AMER2: variants seen among roughly 807,000 people sequenced by gnomAD.
AMER2 encodes family with sequence similarity 123A.
AMER2 carries 1 observed loss-of-function variant against 4.7 expected under a neutral mutation model. The observed-to-expected ratio is 0.21, with a 90% confidence interval of 0.07 to 1.00. AMER2 has a LOEUF of 1.00. AMER2 is among the 50% of genes least tolerant of loss of function. AMER2 has a pLI of 0.60. For missense variants in AMER2, 988 were observed against 966.9 expected (o/e 1.02, Z -0.29); for synonymous variants, 485 against 433.3 (o/e 1.12, Z -1.48).
chr13:25,171,560 G>T lies in AMER2; in HGVS notation c.60C>A (p.Gly20=), dbSNP rs778453019. 3.8e-6 allele frequency: 6 copies of T among 1,559,086 alleles called. No homozygotes were observed. The highest frequency in any genetic ancestry group is 1.2e-5 in the South Asian group (1 of 85,282). The change falls in exon 1 of 1, where the codon GGC becomes GGA. Residue 20 remains glycine (G), a synonymous_variant. Transcript: ENST00000515384. The surrounding 1 kb of genome is among the most constrained non-coding windows in gnomAD (Gnocchi z 5.9). ...GGAVSERGGA[G]ASVGVCRRKA... ...TCCTCCTGCAGACCCCCACGGACGC[G>T]CCAGCTCCGCCGCGCTCGCTGACAG...
At position 25,170,822 on chromosome 13, in the gene AMER2, T is replaced by A; in HGVS notation, c.798A>T (p.Gly266=). The A allele has an allele frequency of 7.1e-7, 1 of 1,410,090 alleles. No homozygotes were observed. Among genetic ancestry groups the A allele is most frequent in the Non-Finnish European group, 9.2e-7 (1 of 1,091,392 alleles). 87.3% of individuals were successfully genotyped at this position (1,410,090 alleles called of 1,614,324 possible). The part of the protein sequence containing the change: ...PRDPAGEPAG[G]EEVPAPADRA... ...GGTCGGCGGGGGCGGGCACCTCCTC[T>A]CCCCCTGCGGGCTCACCTGCTGGGT... is the stretch of plus-strand genomic sequence containing the variant. The change falls in exon 1 of 1, where the codon GGA becomes GGT. Residue 266 remains glycine, a synonymous_variant. Coordinates refer to ENST00000515384, the MANE Select transcript of AMER2 (RefSeq NM_152704.4). This position sits in a 1 kb window ranked among gnomAD's most constrained non-coding sequence, Gnocchi z 7.3.
At position 25,171,518 on chromosome 13, in the gene AMER2, G is replaced by C. The variant is rs772527302; in HGVS notation, c.102C>G (p.Ala34=). The C allele has an allele frequency of 1.3e-5, 20 of 1,597,494 alleles. No individual in the cohort carries two copies. The Middle Eastern group carries it at 5.0e-4, about 40-fold the overall frequency. ...TGTCTGCCGCGAGGGTCCCGGTCCC[G>C]GCCCCGGCCTCCGCCTTCCTCCTGC... ...GVCRRKAEAG[A]GTGTLAADMD... Residue 34 remains alanine (A), a synonymous_variant, in exon 1 of 1, where the codon GCC becomes GCG. Transcript: ENST00000515384. The surrounding 1 kb of genome is among the most constrained non-coding windows in gnomAD (Gnocchi z 5.9).
rs2282406 is a variant in AMER2 at position 25,169,643 on chromosome 13, G to C, written c.1977C>G (p.Ile659Met). ...VSNRGLAGTT[I>M]RATACHDSAK... ...CACTGTCGTGGCAGGCCGTTGCTCT[G>C]ATGGTGGTCCCAGCCAAGCCCCGGT... Residue 659 changes from isoleucine (I) to methionine (M), a missense_variant, in exon 1 of 1, where the codon ATC becomes ATG. By Grantham distance (10) the Ile-to-Met change is conservative. Transcript: ENST00000515384. This position sits in a 1 kb window ranked among gnomAD's most constrained non-coding sequence, Gnocchi z 4.2. The C allele has an allele frequency of 0.012, 19,030 of 1,609,556 alleles. 939 individuals are homozygous for C. The highest frequency in any genetic ancestry group is 0.11 in the Admixed American group (6,848 of 59,692).
chr13:25,167,036 G>A lies in AMER2; in HGVS notation c.*2568C>T, dbSNP rs938172962. On this transcript the variant is annotated 3_prime_UTR_variant, in exon 1 of 1. Coordinates refer to ENST00000515384, the MANE Select transcript of AMER2 (RefSeq NM_152704.4). The stretch of plus-strand genomic sequence containing the variant: ...ATCTTTTATAACTGGTTAATTGACA[G>A]GTCAGTGGAAATTAAGATAAACTTT... 6.6e-6 allele frequency: 1 copy of A among 152,058 alleles called. No homozygotes were observed. Among genetic ancestry groups the A allele is most frequent in the African/African-American group, 2.4e-5 (1 of 41,404 alleles). The allele number at this position is 152,058 out of a possible 1,614,324, so 9.4% of individuals were successfully genotyped here. A position where few individuals can be genotyped will look rare whatever the true frequency, so the allele number is the denominator to read the frequency against.
chr13:25,169,136 A>C lies in AMER2; in HGVS notation c.*468T>G, dbSNP rs1365533013. The C allele has an allele frequency of 6.5e-6, 1 of 153,078 alleles. No individual in the cohort carries two copies. Among genetic ancestry groups the C allele is most frequent in the East Asian group, 1.9e-4 (1 of 5,196 alleles). 9.5% of individuals were successfully genotyped at this position (153,078 alleles called of 1,614,324 possible). A position where few individuals can be genotyped will look rare whatever the true frequency, so the allele number is the denominator to read the frequency against. On this transcript the variant is annotated 3_prime_UTR_variant, in exon 1 of 1. Coordinates refer to ENST00000515384, the MANE Select transcript of AMER2 (RefSeq NM_152704.4). The surrounding 1 kb of genome is among the most constrained non-coding windows in gnomAD (Gnocchi z 4.2). Reference sequence around the variant, plus strand: ...TTTTTTAACTGGAAAGGAAAGAGGAAAGAAGGGAAGGAAGGAAACGTGTCT... The same window carrying C: ...TTTTTTAACTGGAAAGGAAAGAGGACAGAAGGGAAGGAAGGAAACGTGTCT...
rs1342243265 is a variant in AMER2, at chr13:25,170,838, C to T, written c.782G>A (p.Gly261Asp). The T allele has an allele frequency of 4.9e-6, 7 of 1,440,804 alleles. No homozygotes were observed. Among genetic ancestry groups the T allele is most frequent in the Admixed American group, 2.6e-5 (1 of 37,736 alleles). 89.3% of individuals were successfully genotyped at this position (1,440,804 alleles called of 1,614,324 possible). The stretch of plus-strand genomic sequence containing the variant: ...CACCTCCTCTCCCCCTGCGGGCTCA[C>T]CTGCTGGGTCTCGCGGGGCGTCCTG... ...PSQDAPRDPAGEPAGGEEVPA... is the reference protein window; with the variant it reads ...PSQDAPRDPADEPAGGEEVPA... Residue 261 changes from glycine (G) to aspartate (D), a missense_variant, in exon 1 of 1, where the codon GGT becomes GAT. By Grantham distance (94) the Gly-to-Asp change is moderately conservative. Transcript: ENST00000515384. This position sits in a 1 kb window ranked among gnomAD's most constrained non-coding sequence, Gnocchi z 7.3.
rs942581849 is a variant in AMER2, at chr13:25,166,545, T to C, written c.*3059A>G. ...CGATAAATTTTCGCCCAACAATTGATTTGACTTTTTCCTGTCTAATTTGGG... is the reference window on the plus strand; with the variant it reads ...CGATAAATTTTCGCCCAACAATTGACTTGACTTTTTCCTGTCTAATTTGGG... On this transcript the variant is annotated 3_prime_UTR_variant, in exon 1 of 1. Coordinates refer to ENST00000515384, the MANE Select transcript of AMER2 (RefSeq NM_152704.4). The C allele has an allele frequency of 1.3e-5, 2 of 152,206 alleles. No individual in the cohort carries two copies. The highest frequency in any genetic ancestry group is 4.8e-5 in the African/African-American group (2 of 41,450). The allele number at this position is 152,206 out of a possible 1,614,324, so 9.4% of individuals were successfully genotyped here. A position where few individuals can be genotyped will look rare whatever the true frequency, so the allele number is the denominator to read the frequency against.
In AMER2 at chr13:25,171,514, T is replaced by TCCCGGC. The variant is rs1239455724; in HGVS notation, c.100_105dup (p.Ala34_Gly35dup). 1.0e-5 allele frequency: 16 copies of TCCCGGC among 1,599,878 alleles called. No individual in the cohort carries two copies. Among genetic ancestry groups the TCCCGGC allele is most frequent in the Middle Eastern group, 3.3e-4 (2 of 6,050 alleles). ...TCCATGTCTGCCGCGAGGGTCCCGG[T>TCCCGGC]CCCGGCCCCGGCCTCCGCCTTCCTC... On this transcript the variant is annotated inframe_insertion, in exon 1 of 1. Transcript: ENST00000515384. The surrounding 1 kb of genome is among the most constrained non-coding windows in gnomAD (Gnocchi z 5.9).
Position 25,171,537 on chromosome 13 carries a change from C to T in AMER2, c.83G>A (p.Arg28Lys). The T allele has an allele frequency of 6.3e-7, 1 of 1,588,338 alleles. No homozygotes were observed. The highest frequency in any genetic ancestry group is 8.5e-7 in the Non-Finnish European group (1 of 1,173,828). ...GGTCCCGGCCCCGGCCTCCGCCTTC[C>T]TCCTGCAGACCCCCACGGACGCGCC... ...GAGASVGVCR[R>K]KAEAGAGTGT... The change falls in exon 1 of 1, where the codon AGG (arginine) becomes AAG (lysine). Residue 28 changes from arginine to lysine, a missense_variant. Coordinates refer to ENST00000515384, the MANE Select transcript of AMER2 (RefSeq NM_152704.4). The surrounding 1 kb of genome is among the most constrained non-coding windows in gnomAD (Gnocchi z 5.9).
chr13:25,170,774 T>C lies in AMER2; in HGVS notation c.846A>G (p.Arg282=). The C allele has an allele frequency of 7.3e-7, 1 of 1,369,430 alleles. No individual in the cohort carries two copies. Among genetic ancestry groups the C allele is most frequent in the Non-Finnish European group, 9.3e-7 (1 of 1,070,184 alleles). 84.8% of individuals were successfully genotyped at this position (1,369,430 alleles called of 1,614,324 possible). Residue 282 remains arginine (R), a synonymous_variant, in exon 1 of 1, where the codon CGA becomes CGG. Transcript: ENST00000515384. The surrounding 1 kb of genome is among the most constrained non-coding windows in gnomAD (Gnocchi z 7.3). ...CGGGGTGCGCGAGGCCCTCTGCCTC[T>C]CGGCAGCTCCGCGCTGGGGCGCGGT... ...PADRAPARSC[R]EAEGLAHPGD...
Position 25,171,794 on chromosome 13 carries a change from C to A in AMER2, c.-175G>T, listed in dbSNP as rs1013897674. ...ATATAATACCCTAACCCACTTCCAT[C>A]CGACTTGGCTCGGCGCTGCATGGCG... On this transcript the variant is annotated 5_prime_UTR_variant, in exon 1 of 1. Coordinates refer to ENST00000515384, the MANE Select transcript of AMER2 (RefSeq NM_152704.4). This position sits in a 1 kb window ranked among gnomAD's most constrained non-coding sequence, Gnocchi z 5.9. 6.2e-5 allele frequency: 79 copies of A among 1,282,164 alleles called. No individual in the cohort carries two copies. Among genetic ancestry groups the A allele is most frequent in the Non-Finnish European group, 9.9e-6 (10 of 1,011,068 alleles). The allele number at this position is 1,282,164 out of a possible 1,614,324, so 79.4% of individuals were successfully genotyped here.
Position 25,169,666 on chromosome 13 carries a change from G to A in AMER2, c.1954C>T (p.Arg652Trp), listed in dbSNP as rs1956525239. 1 of 1,613,292 alleles carries A rather than the reference G, an allele frequency of 6.2e-7. No homozygotes were observed. Among genetic ancestry groups the A allele is most frequent in the Non-Finnish European group, 8.5e-7 (1 of 1,179,598 alleles). Residue 652 changes from arginine to tryptophan, a missense_variant, in exon 1 of 1, where the codon CGG (arginine) becomes TGG (tryptophan). Arg to Trp is a moderately radical substitution (Grantham distance 101). Coordinates refer to ENST00000515384, the MANE Select transcript of AMER2 (RefSeq NM_152704.4). This position sits in a 1 kb window ranked among gnomAD's most constrained non-coding sequence, Gnocchi z 4.2. The part of the protein sequence containing the change: ...SKVLVRRVSN[R>W]GLAGTTIRAT... Reference sequence around the variant, plus strand: ...CTGATGGTGGTCCCAGCCAAGCCCCGGTTGCTGACTCTGCGGACCAGCACT... The same window carrying A: ...CTGATGGTGGTCCCAGCCAAGCCCCAGTTGCTGACTCTGCGGACCAGCACT...
chr13:25,169,953 T>C lies in AMER2; in HGVS notation c.1667A>G (p.Tyr556Cys), dbSNP rs761614443. 1.9e-6 allele frequency: 3 copies of C among 1,614,010 alleles called. No homozygotes were observed. The highest frequency in any genetic ancestry group is 1.3e-5 in the African/African-American group (1 of 74,924). ...TCCGTCCGGGTCAGCATAGAGATCATAGAGCGCGTCCCCGCTGTAGCTATC... is the reference window on the plus strand; with the variant it reads ...TCCGTCCGGGTCAGCATAGAGATCACAGAGCGCGTCCCCGCTGTAGCTATC... The part of the protein sequence containing the change: ...PRDSYSGDAL[Y>C]DLYADPDGSP... Residue 556 changes from tyrosine (Y) to cysteine (C), a missense_variant, in exon 1 of 1, where the codon TAT becomes TGT. By Grantham distance (194) the Tyr-to-Cys change is radical. Coordinates refer to ENST00000515384, the MANE Select transcript of AMER2 (RefSeq NM_152704.4). This position sits in a 1 kb window ranked among gnomAD's most constrained non-coding sequence, Gnocchi z 4.2.
At position 25,166,754 on chromosome 13, in the gene AMER2, A is replaced by G. The variant is rs1956484243; in HGVS notation, c.*2850T>C. The G allele has an allele frequency of 6.6e-6, 1 of 152,194 alleles. No homozygotes were observed. The highest frequency in any genetic ancestry group is 1.5e-5 in the Non-Finnish European group (1 of 68,024). 9.4% of individuals were successfully genotyped at this position (152,194 alleles called of 1,614,324 possible). A position where few individuals can be genotyped will look rare whatever the true frequency, so the allele number is the denominator to read the frequency against. ...AAAATTGGAATGTAAATCTAGGAAA[A>G]TTCTTGAAAAAACAATCTCCATGAA... On this transcript the variant is annotated 3_prime_UTR_variant, in exon 1 of 1. Coordinates refer to ENST00000515384, the MANE Select transcript of AMER2 (RefSeq NM_152704.4).
Position 25,170,130 on chromosome 13 carries a change from G to A in AMER2, c.1490C>T (p.Pro497Leu), listed in dbSNP as rs1593686961. 1.2e-6 allele frequency: 2 copies of A among 1,614,020 alleles called. No homozygotes were observed. Among genetic ancestry groups the A allele is most frequent in the East Asian group, 2.2e-5 (1 of 44,842 alleles). Residue 497 changes from proline to leucine, a missense_variant, in exon 1 of 1, where the codon CCC becomes CTC. Physicochemically the swap from Pro to Leu is moderately conservative, Grantham distance 98 (BLOSUM62 -3). Transcript: ENST00000515384. This position sits in a 1 kb window ranked among gnomAD's most constrained non-coding sequence, Gnocchi z 7.3. ...SVKRRRLNRI[P>L]IEPHPKEEPK... ...CTCCTCCTTAGGATGGGGCTCGATG[G>A]GAATCCGGTTGAGCCTCCTGCGCTT...
chr13:25,170,831 G>T lies in AMER2; in HGVS notation c.789C>A (p.Pro263=). 2 of 1,426,650 alleles carry T rather than the reference G, an allele frequency of 1.4e-6. No homozygotes were observed. Among genetic ancestry groups the T allele is most frequent in the South Asian group, 3.2e-5 (2 of 62,634 alleles). 88.4% of individuals were successfully genotyped at this position (1,426,650 alleles called of 1,614,324 possible). A position where few individuals can be genotyped will look rare whatever the true frequency, so the allele number is the denominator to read the frequency against. ...QDAPRDPAGE[P]AGGEEVPAPA... ...GGGCGGGCACCTCCTCTCCCCCTGCGGGCTCACCTGCTGGGTCTCGCGGGG... is the reference window on the plus strand; with the variant it reads ...GGGCGGGCACCTCCTCTCCCCCTGCTGGCTCACCTGCTGGGTCTCGCGGGG... Residue 263 remains proline, a synonymous_variant, in exon 1 of 1, where the codon CCC becomes CCA. Transcript: ENST00000515384. This position sits in a 1 kb window ranked among gnomAD's most constrained non-coding sequence, Gnocchi z 7.3.
Position 25,168,235 on chromosome 13 carries a change from C to G in AMER2, c.*1369G>C, listed in dbSNP as rs1233592044. ...GAAGCAAACCACTTTTCAAAAAAAACTTGGCATAAAGTGTTTACAATACAT... is the reference window on the plus strand; with the variant it reads ...GAAGCAAACCACTTTTCAAAAAAAAGTTGGCATAAAGTGTTTACAATACAT... On this transcript the variant is annotated 3_prime_UTR_variant, in exon 1 of 1. Transcript: ENST00000515384. 2.0e-5 allele frequency: 3 copies of G among 152,094 alleles called. No individual in the cohort carries two copies. The highest frequency in any genetic ancestry group is 7.2e-5 in the African/African-American group (3 of 41,420). 9.4% of individuals were successfully genotyped at this position (152,094 alleles called of 1,614,324 possible).
In AMER2 at chr13:25,163,231, G is replaced by A. The variant is rs1280161290; in HGVS notation, c.*6373C>T. 1.3e-5 allele frequency: 2 copies of A among 152,158 alleles called. No individual in the cohort carries two copies. Among genetic ancestry groups the A allele is most frequent in the Non-Finnish European group, 2.9e-5 (2 of 68,026 alleles). 9.4% of individuals were successfully genotyped at this position (152,158 alleles called of 1,614,324 possible). On this transcript the variant is annotated 3_prime_UTR_variant, in exon 1 of 1. Transcript: ENST00000515384. Reference sequence around the variant, plus strand: ...ACCATTGGTAAGTATGTAAACAGATGCAACCACTGTGGAAAGCAGCACAGA... The same window carrying A: ...ACCATTGGTAAGTATGTAAACAGATACAACCACTGTGGAAAGCAGCACAGA...
In AMER2 at chr13:25,170,734, G is replaced by T; in HGVS notation, c.886C>A (p.Arg296=). Residue 296 remains arginine (R), a synonymous_variant, in exon 1 of 1, where the codon CGG becomes AGG. Transcript: ENST00000515384. The surrounding 1 kb of genome is among the most constrained non-coding windows in gnomAD (Gnocchi z 7.3). ...CGATGCCCCGCGGCGTCCTCTCCCCGGGCGCCGGTGTCGCCGGGGTGCGCG... is the reference window on the plus strand; with the variant it reads ...CGATGCCCCGCGGCGTCCTCTCCCCTGGCGCCGGTGTCGCCGGGGTGCGCG... ...GLAHPGDTGA[R]GEDAAGHRRA... The T allele has an allele frequency of 1.4e-6, 2 of 1,422,706 alleles. No individual in the cohort carries two copies. The highest frequency in any genetic ancestry group is 1.8e-6 in the Non-Finnish European group (2 of 1,097,284). The allele number at this position is 1,422,706 out of a possible 1,614,324, so 88.1% of individuals were successfully genotyped here. A position where few individuals can be genotyped will look rare whatever the true frequency, so the allele number is the denominator to read the frequency against.
Sources: gnomAD v4.1 joint callset for allele counts on GRCh38, gnomAD v4.1.1 for gene constraint, Gnocchi (gnomAD v3.1) non-coding constraint, MANE v1.5 for transcripts, NCBI Gene and HGNC (gene_info 2026-07-23, HGNC 2026-07-21) for gene names.